Variants in B4GALNT3 observed in about 807,000 individuals in gnomAD.
B4GALNT3 encodes the protein beta-1,4-N-acetylgalactosaminyltransferase 3.
Under a neutral mutation model 120.2 loss-of-function variants are expected in B4GALNT3, and 86 were observed. The ratio of observed to expected loss-of-function variants is 0.72; its 90% CI spans 0.60 to 0.86. The LOEUF (loss-of-function observed/expected upper bound fraction) is 0.86, where lower values mean the gene tolerates loss of function less well. Among genes scored for constraint, B4GALNT3 ranks in the 40% least tolerant of loss-of-function variants. B4GALNT3 has a pLI of 0.00. For missense variants in B4GALNT3, 1,167 were observed against 1,298.9 expected (o/e 0.90, Z 1.56); for synonymous variants, 518 against 510.4 (o/e 1.01, Z -0.20).
chr12:479,093 T>C lies in B4GALNT3; in HGVS notation c.169+18548T>C, dbSNP rs1023402606. On this transcript the variant is annotated intron_variant, in intron 1 of 19. Transcript: ENST00000266383. The stretch of plus-strand genomic sequence containing the variant: ...AAGGAATCAAGGCTTCTGACTCAGC[T>C]CCAGGTAGGGGATGTAGCAGAGTTC... Among the ~76,000 whole-genome samples, 6 of 152,152 alleles carry C rather than the reference T, an allele frequency of 3.9e-5. No homozygotes were observed. In the East Asian group the frequency reaches 1.2e-3, roughly 29 times the overall value.
At chr12:535,342 T>C (rs1285066213) in intron 2 of B4GALNT3, 73 bp downstream of exon 2, 1 of 1,321,830 alleles carries the variant, frequency 7.6e-7, no homozygotes, top group Non-Finnish European at 1.1e-6. Flanking sequence ...CCCAGTTGCC[T>C]TAAGGGTAAC....
intron 3 of B4GALNT3, chr12:543,237 G>A: frequency 3.9e-6 from 5 of 1,273,986 alleles, no homozygotes; most frequent in Non-Finnish European, 5.1e-6. Flanking sequence ...TGCTGGGCTG[G>A]GAATGGGATA....
In B4GALNT3 at chr12:550,031, T is replaced by A; in HGVS notation, c.997+119T>A. The A allele has an allele frequency of 8.6e-7, 1 of 1,168,428 alleles. No homozygotes were observed. The highest frequency in any genetic ancestry group is 1.2e-6 in the Non-Finnish European group (1 of 835,136). The allele number at this position is 1,168,428 out of a possible 1,614,324, so 72.4% of individuals were successfully genotyped here. ...GTATCCCAATCACCGTAGAACTTTTTATCGTCCTTGTAACATAGAACATGC... is the reference window on the plus strand; with the variant it reads ...GTATCCCAATCACCGTAGAACTTTTAATCGTCCTTGTAACATAGAACATGC... On this transcript the variant is annotated intron_variant, in intron 10 of 19. Coordinates refer to ENST00000266383, the MANE Select transcript of B4GALNT3 (RefSeq NM_173593.4). The surrounding 1 kb of genome is among the most constrained non-coding windows in gnomAD (Gnocchi z 4.1).
Position 553,595 on chromosome 12 carries a change from A to G in B4GALNT3, c.1672A>G (p.Lys558Glu). The change falls in exon 14 of 20, where the codon AAG becomes GAG. Residue 558 changes from lysine to glutamate, a missense_variant. This residue lies in a region of B4GALNT3 where 983 missense variants were observed against 1,102.5 expected (regional missense o/e 0.89). Coordinates refer to ENST00000266383, the MANE Select transcript of B4GALNT3 (RefSeq NM_173593.4). ...RPRPAGDSPRKTQWLNQVESY... is the reference protein window; with the variant it reads ...RPRPAGDSPRETQWLNQVESY... Reference sequence around the variant, plus strand: ...CAGGCCCGCTGGTGACAGCCCCAGGAAGACTCAGTGGCTGAACCAGGTGGA... The same window carrying G: ...CAGGCCCGCTGGTGACAGCCCCAGGGAGACTCAGTGGCTGAACCAGGTGGA... 6.2e-7 allele frequency: 1 copy of G among 1,613,976 alleles called. No homozygotes were observed. Among genetic ancestry groups the G allele is most frequent in the Non-Finnish European group, 8.5e-7 (1 of 1,179,894 alleles).
At chr12:519,889 G>A (rs557977078) in intron 1 of B4GALNT3, among the ~76,000 whole-genome samples, 2 of 152,244 alleles carry the variant, frequency 1.3e-5, no homozygotes, top group African/African-American at 4.8e-5. Flanking sequence ...TTGTTTCCAT[G>A]GAAAGTACTC....
At chr12:486,911 G>A (rs1946295886) in intron 1 of B4GALNT3, among the ~76,000 whole-genome samples, 1 of 152,156 alleles carries the variant, frequency 6.6e-6, no homozygotes, top group Non-Finnish European at 1.5e-5. Context: ...AAACTATGAT[G>A]ATTAATATAT....
At chr12:515,692 A>G (rs1002490799) in intron 1 of B4GALNT3, among the ~76,000 whole-genome samples, 7 of 152,194 alleles carry the variant, frequency 4.6e-5, no homozygotes, top group African/African-American at 1.7e-4. Context: ...GCTGTTTCAC[A>G]GAGATGAAAA....
At chr12:487,542 G>C (rs12582596) in intron 1 of B4GALNT3, among the ~76,000 whole-genome samples, 18,317 of 151,820 alleles carry the variant, frequency 0.12, 1,403 homozygotes, top group Admixed American at 0.25. Flanking sequence ...GTGAAACCTG[G>C]TTTCTACTAA....
At position 514,809 on chromosome 12, in the gene B4GALNT3, A is replaced by C. The variant is rs188178840; in HGVS notation, c.170-20357A>C. ...TTTGGAAGGCCAAGGCGGGCAGATCACCTGAGGTCAGGAGCTCGAGACCAG... is the reference window on the plus strand; with the variant it reads ...TTTGGAAGGCCAAGGCGGGCAGATCCCCTGAGGTCAGGAGCTCGAGACCAG... On this transcript the variant is annotated intron_variant, in intron 1 of 19. Transcript: ENST00000266383. Among the ~76,000 whole-genome samples, 510 of 152,048 alleles carry C rather than the reference A, an allele frequency of 3.4e-3. 1 individual carries two copies. In the Middle Eastern group the frequency reaches 0.034, roughly 10 times the overall value.
intron 1 of B4GALNT3, among the ~76,000 whole-genome samples, chr12:518,907 G>A (rs1946682045): frequency 6.6e-6 from 1 of 152,146 alleles, no homozygotes; most frequent in Admixed American, 6.5e-5. Flanking sequence ...CGGGACCTGT[G>A]TATACCAAGG....
chr12:497,119 G>A (rs528675814), intron 1 of B4GALNT3, among the ~76,000 whole-genome samples: 43 of 152,210 alleles, frequency 2.8e-4, no homozygotes, highest in African/African-American at 9.1e-4. Context: ...ACAGGCGTGG[G>A]CCATCGCTCC....
intron 1 of B4GALNT3, among the ~76,000 whole-genome samples, chr12:489,346 C>G (rs1049801048): frequency 3.5e-5 from 5 of 144,096 alleles, no homozygotes; most frequent in African/African-American, 1.3e-4. Context: ...AAAAAACCCA[C>G]AAAATACAGA....
intron 14 of B4GALNT3, chr12:555,434 T>C (rs1260149354): frequency 1.1e-5 from 5 of 453,650 alleles, no homozygotes; most frequent in Middle Eastern, 3.2e-4. Flanking sequence ...TTCCTCGATA[T>C]TGCTGAGTAA....
intron 12 of B4GALNT3, 132 bp from the exon 13 acceptor site, chr12:552,328 CACACACA>C (rs1947093390): frequency 5.3e-5 from 48 of 905,084 alleles, no homozygotes; most frequent in South Asian, 5.2e-4. Context: ...CACACACACA[CACACACA>C]CCCGCTCACC....
At chr12:491,628 C>G (rs908172011) in intron 1 of B4GALNT3, among the ~76,000 whole-genome samples, 1 of 152,046 alleles carries the variant, frequency 6.6e-6, no homozygotes, top group African/African-American at 2.4e-5. Flanking sequence ...CACACCCAGC[C>G]TGATTTGTGA....
At chr12:480,458 TGAC>T (rs1417837331) in intron 1 of B4GALNT3, among the ~76,000 whole-genome samples, 2 of 152,062 alleles carry the variant, frequency 1.3e-5, no homozygotes, top group African/African-American at 4.8e-5. Context: ...CCTCTGACCC[TGAC>T]ATTACGGAAG....
intron 1 of B4GALNT3, among the ~76,000 whole-genome samples, chr12:516,629 C>G (rs1946659250): frequency 6.6e-6 from 1 of 152,200 alleles, no homozygotes; most frequent in Non-Finnish European, 1.5e-5. Context: ...GTCAGGGTAA[C>G]AAGTGTAAAC....
intron 1 of B4GALNT3, among the ~76,000 whole-genome samples, chr12:505,066 G>A (rs1411736460): frequency 1.3e-5 from 2 of 151,990 alleles, no homozygotes; most frequent in Non-Finnish European, 2.9e-5. Context: ...AATGTTTTCT[G>A]TATTTTTAGT....
chr12:501,353 T>C (rs1315879636), intron 1 of B4GALNT3, among the ~76,000 whole-genome samples: 1 of 152,190 alleles, frequency 6.6e-6, no homozygotes, highest in Non-Finnish European at 1.5e-5. Flanking sequence ...GCTACTGTTA[T>C]TATTCTACAC....
Sources: allele counts gnomAD v4.1 joint callset (sites outside exome capture counted in the v4.1 genomes callset), GRCh38; gene constraint gnomAD v4.1.1; regional missense constraint gnomAD v4.1.1; non-coding constraint Gnocchi (gnomAD v3.1); transcripts MANE v1.5; gene names NCBI Gene and HGNC (gene_info 2026-07-23, HGNC 2026-07-21).